Variants in GINS3 observed in about 807,000 individuals in gnomAD.
The protein encoded by GINS3 is GINS complex subunit 3, also known as DNA replication complex GINS protein PSF3.
Under a neutral mutation model 20.0 loss-of-function variants are expected in GINS3, and 18 were observed. That is an observed-to-expected ratio of 0.90 (90% confidence interval 0.62 to 1.33). The LOEUF is 1.33. Among genes scored for constraint, GINS3 ranks in the 40% most tolerant of loss-of-function variants. GINS3 has a pLI of 0.00. For synonymous variants in GINS3, 109 were observed against 107.0 expected (o/e 1.02, Z -0.12); for missense variants, 254 against 273.6 (o/e 0.93, Z 0.51).
intron 1 of GINS3, among the ~76,000 whole-genome samples, chr16:58,400,190 A>G (rs1275721442): frequency 6.6e-6 from 1 of 152,250 alleles, no homozygotes; most frequent in Non-Finnish European, 1.5e-5. Context: ...ACTCATGGTT[A>G]AGATTGATTA....
chr16:58,400,511 G>C (rs1965940277), intron 1 of GINS3, among the ~76,000 whole-genome samples: 1 of 152,172 alleles, frequency 6.6e-6, no homozygotes, highest in African/African-American at 2.4e-5. Flanking sequence ...TGCACAGACA[G>C]TTCAGGCACA....
chr16:58,397,184 G>T (rs1275630272), intron 1 of GINS3, among the ~76,000 whole-genome samples: 1 of 150,440 alleles, frequency 6.6e-6, no homozygotes, highest in African/African-American at 2.5e-5. Flanking sequence ...TGGTTGCCAG[G>T]CAGAGGGTCT....
At chr16:58,394,398 G>C (rs1965821671) in intron 1 of GINS3, among the ~76,000 whole-genome samples, 1 of 152,164 alleles carries the variant, frequency 6.6e-6, no homozygotes, top group Non-Finnish European at 1.5e-5. Flanking sequence ...CTAGGCCAGA[G>C]TGCAGTGGCA....
At chr16:58,397,238 A>G (rs1199700271) in intron 1 of GINS3, among the ~76,000 whole-genome samples, 1 of 145,904 alleles carries the variant, frequency 6.9e-6, no homozygotes, top group Non-Finnish European at 1.5e-5. Context: ...TGCTCCTCAC[A>G]TCCCAGACGG....
rs374613772 is a variant in GINS3, at chr16:58,392,724, T to G, written c.123T>G (p.Pro41=). ...CGGTGCGCACGGAGACCGCCATGCC[T>G]CGCCTTGGCGCTTTCTTCCTGGAGC... is the stretch of plus-strand genomic sequence containing the variant. ...KLPVRTETAM[P]RLGAFFLERS... is the part of the protein sequence containing the mutation. The change falls in exon 1 of 3, where the codon CCT becomes CCG. Residue 41 remains proline, a synonymous_variant. Transcript: ENST00000318129. The G allele has an allele frequency of 1.2e-5, 19 of 1,614,024 alleles. No homozygotes were observed. In the African/African-American group the frequency reaches 2.5e-4, roughly 22 times the overall value.
intron 1 of GINS3, chr16:58,395,198 C>A (rs1349030303): frequency 2.4e-6 from 1 of 415,774 alleles, no homozygotes; most frequent in Admixed American, 4.3e-5. Context: ...ACCTCAGCCA[C>A]CTATGTGGCT....
intron 1 of GINS3, among the ~76,000 whole-genome samples, chr16:58,400,184 A>G (rs1965936560): frequency 6.6e-6 from 1 of 152,232 alleles, no homozygotes; most frequent in South Asian, 2.1e-4. Flanking sequence ...AGTCACACTC[A>G]TGGTTAAGAT....
intron 1 of GINS3, among the ~76,000 whole-genome samples, chr16:58,396,886 G>A (rs1164662540): frequency 6.9e-6 from 1 of 144,730 alleles, no homozygotes; most frequent in Non-Finnish European, 1.5e-5. Context: ...GGCCGGGCGG[G>A]GGGCTGACCC....
chr16:58,392,509 T>C lies in GINS3; in HGVS notation c.-93T>C, dbSNP rs1024281711. 59 of 1,400,420 alleles carry C rather than the reference T, an allele frequency of 4.2e-5. No individual in the cohort carries two copies. The African/African-American group carries it at 4.4e-4, about 11-fold the overall frequency. 86.7% of individuals were successfully genotyped at this position (1,400,420 alleles called of 1,614,324 possible). The stretch of plus-strand genomic sequence containing the variant: ...TCCACTTTCCTGACCCCAACCATCC[T>C]GCCCAGTCTCCGCTTCCCCGTCTTG... On this transcript the variant is annotated 5_prime_UTR_variant, in exon 1 of 3. Transcript: ENST00000318129.
chr16:58,398,653 G>A (rs867384339), intron 1 of GINS3, among the ~76,000 whole-genome samples: 1 of 152,124 alleles, frequency 6.6e-6, no homozygotes, highest in Non-Finnish European at 1.5e-5. Flanking sequence ...TTAATTTTGC[G>A]TTTTAAAATA....
In GINS3 at chr16:58,392,474, C is replaced by G. The variant is rs1006839436; in HGVS notation, c.-128C>G. ...CTGATGCGTCCCCGGGCGCGGGAAA[C>G]GAGTTTCAATCCACTTTCCTGACCC... On this transcript the variant is annotated 5_prime_UTR_variant, in exon 1 of 3. Transcript: ENST00000318129. The G allele has an allele frequency of 5.7e-6, 6 of 1,056,100 alleles. No homozygotes were observed. The African/African-American group carries it at 8.0e-5, about 14-fold the overall frequency. 65.4% of individuals were successfully genotyped at this position (1,056,100 alleles called of 1,614,324 possible).
chr16:58,394,613 C>T (rs776032490), intron 1 of GINS3, among the ~76,000 whole-genome samples: 5 of 152,216 alleles, frequency 3.3e-5, no homozygotes, highest in Non-Finnish European at 7.3e-5. Flanking sequence ...TCCCAAAGTA[C>T]TGGGATTACA....
chr16:58,401,365 T>C (rs1376803510), intron 1 of GINS3, among the ~76,000 whole-genome samples: 1 of 152,026 alleles, frequency 6.6e-6, no homozygotes, highest in South Asian at 2.1e-4. Context: ...AGACTTACTG[T>C]GAAGAGCTAA....
At position 58,392,478 on chromosome 16, in the gene GINS3, T is replaced by A. The variant is rs2151490248; in HGVS notation, c.-124T>A. ...TGCGTCCCCGGGCGCGGGAAACGAGTTTCAATCCACTTTCCTGACCCCAAC... is the reference window on the plus strand; with the variant it reads ...TGCGTCCCCGGGCGCGGGAAACGAGATTCAATCCACTTTCCTGACCCCAAC... On this transcript the variant is annotated 5_prime_UTR_variant, in exon 1 of 3. Coordinates refer to ENST00000318129, the MANE Select transcript of GINS3 (RefSeq NM_022770.4). The A allele has an allele frequency of 2.7e-6, 3 of 1,115,826 alleles. No individual in the cohort carries two copies. The East Asian group carries it at 7.4e-5, about 27-fold the overall frequency. 69.1% of individuals were successfully genotyped at this position (1,115,826 alleles called of 1,614,324 possible). A position where few individuals can be genotyped will look rare whatever the true frequency, so the allele number is the denominator to read the frequency against.
Position 58,405,594 on chromosome 16 carries a change from G to A in GINS3, c.*865G>A, listed in dbSNP as rs944572189. 2 of 152,168 alleles carry A rather than the reference G, an allele frequency of 1.3e-5. No homozygotes were observed. The highest frequency in any genetic ancestry group is 2.4e-5 in the African/African-American group (1 of 41,440). 9.4% of individuals were successfully genotyped at this position (152,168 alleles called of 1,614,324 possible). On this transcript the variant is annotated 3_prime_UTR_variant, in exon 3 of 3. Transcript: ENST00000318129. ...TTGGGTGCTGACTATGAAGGGCCCTGTTTTCAAAATCTAACATTGCAAGTG... is the reference window on the plus strand; with the variant it reads ...TTGGGTGCTGACTATGAAGGGCCCTATTTTCAAAATCTAACATTGCAAGTG...
intron 1 of GINS3, among the ~76,000 whole-genome samples, chr16:58,399,303 A>T (rs1965924150): frequency 9.0e-6 from 1 of 111,478 alleles, no homozygotes; most frequent in African/African-American, 5.4e-5. Context: ...AAAAAAAAAA[A>T]TTGAAAAAAT....
chr16:58,394,669 C>CT (rs1326862064), intron 1 of GINS3, among the ~76,000 whole-genome samples: 2 of 152,096 alleles, frequency 1.3e-5, no homozygotes, highest in African/African-American at 4.8e-5. Flanking sequence ...GTTTTTTATT[C>CT]TTTTTTTCTC....
At chr16:58,396,720 TC>T (rs1470200748) in intron 1 of GINS3, among the ~76,000 whole-genome samples, 1 of 38,640 alleles carries the variant, frequency 2.6e-5, no homozygotes, top group Admixed American at 2.4e-4. Flanking sequence ...GGGGCTGACC[TC>T]CCCACCTCCC....
intron 1 of GINS3, among the ~76,000 whole-genome samples, chr16:58,398,065 C>T (rs1965907352): frequency 6.6e-6 from 1 of 151,416 alleles, no homozygotes; most frequent in African/African-American, 2.4e-5. Flanking sequence ...CTCTTTTGTA[C>T]CTTTGTTTTT....
Sources: gnomAD v4.1 joint callset for allele counts (sites outside exome capture counted in the v4.1 genomes callset) on GRCh38, gnomAD v4.1.1 for gene constraint, MANE v1.5 for transcripts, NCBI Gene and HGNC (gene_info 2026-07-23, HGNC 2026-07-21) for gene names.